Variants in SNTG1 observed in about 807,000 individuals in gnomAD.
SNTG1 encodes the protein syntrophin gamma 1.
SNTG1 carries 39 observed loss-of-function variants against 74.7 expected under a neutral mutation model. That is an observed-to-expected ratio of 0.52 (90% CI 0.40 to 0.68). The LOEUF (loss-of-function observed/expected upper bound fraction) is 0.68. Ranked by LOEUF, SNTG1 falls within the 30% of genes least tolerant of loss-of-function variation. SNTG1 has a pLI of 0.00. For missense variants in SNTG1, 685 were observed against 609.5 expected, an observed-to-expected ratio of 1.12 and a Z score of -1.30; for synonymous variants, 254 against 217.1, an observed-to-expected ratio of 1.17 and a Z score of -1.49.
chr8:50,432,464 T>G (rs1378449027), intron 4 of SNTG1, among the ~76,000 whole-genome samples: 1 of 152,160 alleles, frequency 6.6e-6, no homozygotes. Flanking sequence ...TCCTCCAACT[T>G]TATTCTTCTT....
chr8:50,308,940 TGTGTTATAA>T (rs1383002481), intron 2 of SNTG1, among the ~76,000 whole-genome samples: 2 of 152,126 alleles, frequency 1.3e-5, no homozygotes, highest in African/African-American at 4.8e-5. Context: ...TAGATTTTTG[TGTGTTATAA>T]CTAGGAAGCA....
intron 2 of SNTG1, among the ~76,000 whole-genome samples, chr8:50,334,130 C>T (rs2091060137): frequency 6.6e-6 from 1 of 152,140 alleles, no homozygotes; most frequent in Admixed American, 6.6e-5. Flanking sequence ...CTCCTGACCT[C>T]AGGTATTCTG....
At chr8:50,030,813 C>G (rs1037041598) in intron 1 of SNTG1, among the ~76,000 whole-genome samples, 2 of 151,824 alleles carry the variant, frequency 1.3e-5, no homozygotes, top group Admixed American at 1.3e-4. Flanking sequence ...ATTGCTTTAG[C>G]TATTCTTAAA....
At chr8:50,619,566 C>A (rs911266324) in intron 13 of SNTG1, among the ~76,000 whole-genome samples, 2 of 151,708 alleles carry the variant, frequency 1.3e-5, no homozygotes, top group Non-Finnish European at 2.9e-5. Context: ...TCTGTATCTA[C>A]TAAAAGTATA....
At chr8:50,031,915 C>G (rs1817772043) in intron 1 of SNTG1, among the ~76,000 whole-genome samples, 1 of 151,972 alleles carries the variant, frequency 6.6e-6, no homozygotes, top group African/African-American at 2.4e-5. Context: ...CCCAATAAAC[C>G]ACTAAGCTTA....
chr8:49,992,309 T>G (rs1258192601), intron 1 of SNTG1, among the ~76,000 whole-genome samples: 1 of 152,172 alleles, frequency 6.6e-6, no homozygotes, highest in African/African-American at 2.4e-5. Flanking sequence ...AATAAGCAAG[T>G]TCTACAGGGA....
chr8:49,982,502 G>A (rs772805459), intron 1 of SNTG1, among the ~76,000 whole-genome samples: 1 of 149,704 alleles, frequency 6.7e-6, no homozygotes, highest in Non-Finnish European at 1.5e-5. Context: ...TCACATATAT[G>A]TATACATGTA....
At chr8:50,475,958 G>A (rs929649103) in intron 8 of SNTG1, among the ~76,000 whole-genome samples, 1 of 152,126 alleles carries the variant, frequency 6.6e-6, no homozygotes, top group African/African-American at 2.4e-5. Context: ...CAAGTCATAC[G>A]TTTTACATTG....
rs1005338649 is a variant in SNTG1 at position 50,649,797 on chromosome 8, C to A, written c.850-7112C>A. Reference sequence around the variant, plus strand: ...CTATTATTATCTTATTTTTAAATTTCTATTTTTTACTATTAATTTAGGTTA... The same window carrying A: ...CTATTATTATCTTATTTTTAAATTTATATTTTTTACTATTAATTTAGGTTA... On this transcript the variant is annotated intron_variant, in intron 13 of 18. Transcript: ENST00000642720. 6.3e-4 allele frequency among the ~76,000 whole-genome samples: 95 copies of A among 151,670 alleles called. 1 individual carries two copies. The highest frequency in any genetic ancestry group is 1.9e-4 in the Non-Finnish European group (13 of 67,840).
Position 50,677,793 on chromosome 8 carries a change from A to C in SNTG1, c.1038+19130A>C, listed in dbSNP as rs191990456. Among the ~76,000 whole-genome samples the C allele has an allele frequency of 2.3e-3, 351 of 152,144 alleles. 2 individuals are homozygous for C. The highest frequency in any genetic ancestry group is 8.0e-3 in the African/African-American group (331 of 41,536). ...TCCAGTGGCCTTCAAATTGATTTAG[A>C]ATATATTTTTAATGATACAGTGGCA... On this transcript the variant is annotated intron_variant, in intron 15 of 18. Transcript: ENST00000642720.
chr8:50,223,280 C>T (rs2132005281), intron 2 of SNTG1, among the ~76,000 whole-genome samples: 1 of 152,102 alleles, frequency 6.6e-6, no homozygotes, highest in African/African-American at 2.4e-5. Flanking sequence ...GAATTCTACA[C>T]TAAAAGAACA....
chr8:50,696,065 C>A (rs1429479720), intron 15 of SNTG1, among the ~76,000 whole-genome samples: 1 of 151,894 alleles, frequency 6.6e-6, no homozygotes, highest in Non-Finnish European at 1.5e-5. Context: ...AAAGTTTGTA[C>A]CAATTTACAT....
chr8:50,055,293 C>G (rs1483181517), intron 1 of SNTG1, among the ~76,000 whole-genome samples: 1 of 152,108 alleles, frequency 6.6e-6, no homozygotes, highest in South Asian at 2.1e-4. Flanking sequence ...TTCTCTACTC[C>G]TGTATACATT....
chr8:49,977,876 C>T (rs565515991), intron 1 of SNTG1, among the ~76,000 whole-genome samples: 8 of 152,216 alleles, frequency 5.3e-5, no homozygotes, highest in Non-Finnish European at 1.5e-5. Flanking sequence ...ACCACAAACA[C>T]TGCTTGGGCG....
intron 2 of SNTG1, among the ~76,000 whole-genome samples, chr8:50,340,875 A>G (rs1261888971): frequency 6.6e-6 from 1 of 151,936 alleles, no homozygotes; most frequent in Non-Finnish European, 1.5e-5. Flanking sequence ...TTGGTGCAAA[A>G]TAGGTACTAA....
At chr8:50,227,109 G>T (rs1372405981) in intron 2 of SNTG1, among the ~76,000 whole-genome samples, 1 of 152,108 alleles carries the variant, frequency 6.6e-6, no homozygotes, top group Non-Finnish European at 1.5e-5. Context: ...AACCGAAGCT[G>T]CCAGTTTTAT....
Position 50,072,978 on chromosome 8 carries a change from G to A in SNTG1, c.-102-99583G>A, listed in dbSNP as rs540865329. Among the ~76,000 whole-genome samples, 5 of 152,240 alleles carry A rather than the reference G, an allele frequency of 3.3e-5. No individual in the cohort carries two copies. The South Asian group carries it at 1.0e-3, about 32-fold the overall frequency. ...TAACATTTATACCAGTGGAGGGTCA[G>A]GCCTCCATATTGATGGCTGCTGACT... On this transcript the variant is annotated intron_variant, in intron 1 of 18. Coordinates refer to ENST00000642720, the MANE Select transcript of SNTG1 (RefSeq NM_018967.5).
chr8:50,722,039 A>G (rs2095488841), intron 17 of SNTG1, among the ~76,000 whole-genome samples: 1 of 150,582 alleles, frequency 6.6e-6, no homozygotes, highest in Non-Finnish European at 1.5e-5. Context: ...AATATGAAAA[A>G]TTCTGCTTGA....
chr8:50,386,359 T>C (rs1397179309), intron 2 of SNTG1, among the ~76,000 whole-genome samples: 1 of 152,072 alleles, frequency 6.6e-6, no homozygotes, highest in Non-Finnish European at 1.5e-5. Flanking sequence ...CTGAAAGATA[T>C]GGTTTTTTCC....
Sources: gnomAD v4.1 joint callset for allele counts (sites outside exome capture counted in the v4.1 genomes callset) on GRCh38, gnomAD v4.1.1 for gene constraint, MANE v1.5 for transcripts, NCBI Gene and HGNC (gene_info 2026-07-23, HGNC 2026-07-21) for gene names.